Variants in SLC30A8 observed in about 807,000 individuals in gnomAD.
SLC30A8 encodes solute carrier family 30 member 8, also known as proton-coupled zinc antiporter SLC30A8.
SLC30A8 carries 27 observed loss-of-function variants against 36.9 expected under a neutral mutation model. The ratio of observed to expected loss-of-function variants is 0.73; its 90% CI spans 0.54 to 1.01. The LOEUF is 1.01. SLC30A8 is among the 50% of genes least tolerant of loss of function. The pLI is 0.00. For synonymous variants in SLC30A8, 164 were observed against 172.4 expected (o/e 0.95, Z 0.38); for missense variants, 439 against 452.0 (o/e 0.97, Z 0.26).
intron 2 of SLC30A8, among the ~76,000 whole-genome samples, chr8:117,089,602 A>T (rs1354921045): frequency 1.3e-5 from 2 of 152,146 alleles, no homozygotes; most frequent in Non-Finnish European, 2.9e-5. Context: ...CTCTGATGAC[A>T]ATCTGGATTA....
At chr8:117,063,253 C>T (rs1035248976) in intron 2 of SLC30A8, among the ~76,000 whole-genome samples, 17 of 152,046 alleles carry the variant, frequency 1.1e-4, no homozygotes, top group African/African-American at 3.9e-4. Context: ...TTTTCTTTAG[C>T]AGTTGCTAAA....
chr8:117,152,542 G>A (rs989182869), intron 2 of SLC30A8, among the ~76,000 whole-genome samples: 8 of 152,110 alleles, frequency 5.3e-5, no homozygotes, highest in African/African-American at 1.7e-4. Flanking sequence ...GGGCCAGATC[G>A]CAACATCTAG....
At chr8:117,033,583 T>C (rs2130743899) in intron 1 of SLC30A8, among the ~76,000 whole-genome samples, 1 of 152,330 alleles carries the variant, frequency 6.6e-6, no homozygotes, top group Non-Finnish European at 1.5e-5. Context: ...GGACTAAATG[T>C]CCCTGAATTG....
chr8:117,049,868 C>T (rs1817656497), intron 2 of SLC30A8, among the ~76,000 whole-genome samples: 1 of 152,194 alleles, frequency 6.6e-6, no homozygotes, highest in South Asian at 2.1e-4. Flanking sequence ...GAGTGGCAGT[C>T]CCCACAAGCT....
intron 1 of SLC30A8, among the ~76,000 whole-genome samples, chr8:116,967,667 G>A (rs992385895): frequency 2.6e-5 from 4 of 152,176 alleles, no homozygotes; most frequent in African/African-American, 9.7e-5. Flanking sequence ...TATACAGTAG[G>A]TTTCTTACGG....
In SLC30A8 at chr8:117,172,806, T is replaced by TTATC. The variant is rs1823458304; in HGVS notation, c.*129_*132dup. 1 of 1,093,420 alleles carries TTATC rather than the reference T, an allele frequency of 9.1e-7. No individual in the cohort carries two copies. The highest frequency in any genetic ancestry group is 1.3e-6 in the Non-Finnish European group (1 of 749,184). The allele number at this position is 1,093,420 out of a possible 1,614,324, so 67.7% of individuals were successfully genotyped here. A position where few individuals can be genotyped will look rare whatever the true frequency, so the allele number is the denominator to read the frequency against. ...TTCATGTCATGGTGCAATGCACATT[T>TTATC]TATCTATTTATTTAGTTCCATTCAC... is the stretch of plus-strand genomic sequence containing the variant. On this transcript the variant is annotated 3_prime_UTR_variant, in exon 8 of 8. Coordinates refer to ENST00000456015, the MANE Select transcript of SLC30A8 (RefSeq NM_173851.3).
At chr8:116,993,327 A>G (rs1815708831) in intron 1 of SLC30A8, among the ~76,000 whole-genome samples, 1 of 152,062 alleles carries the variant, frequency 6.6e-6, no homozygotes, top group South Asian at 2.1e-4. Flanking sequence ...AATACTCTAC[A>G]AGTGTGGGTA....
In SLC30A8 at chr8:117,153,029, C is replaced by T. The variant is rs1166345076; in HGVS notation, c.357C>T (p.Phe119=). Residue 119 remains phenylalanine (F), a synonymous_variant, in exon 3 of 8, where the codon TTC becomes TTT. Coordinates refer to ENST00000456015, the MANE Select transcript of SLC30A8 (RefSeq NM_173851.3). ...IDLTSFLLSL[F]SLWLSSKPPS... ...TGACCAGTTTCCTGCTCAGTCTCTT[C>T]TCCCTGTGGTTGTCATCGAAGCCTC... 6.2e-7 allele frequency: 1 copy of T among 1,613,690 alleles called. No individual in the cohort carries two copies. The highest frequency in any genetic ancestry group is 8.5e-7 in the Non-Finnish European group (1 of 1,179,704).
At position 117,041,561 on chromosome 8, in the gene SLC30A8, G is replaced by T. The variant is rs1365016701; in HGVS notation, c.-226+2303G>T. On this transcript the variant is annotated intron_variant, in intron 2 of 10. Transcript: ENST00000427715. ...AAAAATTAGCTGGGCGTGGTGGTGG[G>T]CACCTGTAATTTCAGCTACTCGGGA... is the stretch of plus-strand genomic sequence containing the variant. Among the ~76,000 whole-genome samples, 3 of 152,048 alleles carry T rather than the reference G, an allele frequency of 2.0e-5. No individual in the cohort carries two copies. In the East Asian group the frequency reaches 5.8e-4, roughly 29 times the overall value.
At chr8:116,972,700 ACT>A (rs1185529571) in intron 1 of SLC30A8, among the ~76,000 whole-genome samples, 1 of 152,152 alleles carries the variant, frequency 6.6e-6, no homozygotes, top group Non-Finnish European at 1.5e-5. Flanking sequence ...CATAAGGCTG[ACT>A]CTAGATTTTA....
chr8:116,991,058 T>C (rs1815622841), intron 1 of SLC30A8, among the ~76,000 whole-genome samples: 2 of 152,250 alleles, frequency 1.3e-5, no homozygotes, highest in Admixed American at 1.3e-4. Flanking sequence ...ATGAGTCTTA[T>C]TGGTGACTTG....
intron 1 of SLC30A8, among the ~76,000 whole-genome samples, chr8:117,146,486 G>C (rs570290196): frequency 6.6e-6 from 1 of 152,064 alleles, no homozygotes; most frequent in Non-Finnish European, 1.5e-5. Context: ...GAGTACTTAC[G>C]GACTCAGCAG....
chr8:117,071,776 A>T (rs1291688383), intron 2 of SLC30A8, among the ~76,000 whole-genome samples: 1 of 152,120 alleles, frequency 6.6e-6, no homozygotes, highest in Non-Finnish European at 1.5e-5. Flanking sequence ...ATACTCATTG[A>T]TATCATGTTA....
At chr8:116,995,513 A>G (rs987974900) in intron 1 of SLC30A8, among the ~76,000 whole-genome samples, 1 of 152,034 alleles carries the variant, frequency 6.6e-6, no homozygotes, top group Non-Finnish European at 1.5e-5. Flanking sequence ...CGGAATTTGT[A>G]TCTGGAGGTG....
intron 1 of SLC30A8, among the ~76,000 whole-genome samples, chr8:116,957,119 T>C (rs1814237906): frequency 6.6e-6 from 1 of 152,222 alleles, no homozygotes; most frequent in African/African-American, 2.4e-5. Context: ...GCATTTTTTA[T>C]ATTTCTTTAC....
intron 1 of SLC30A8, among the ~76,000 whole-genome samples, chr8:117,017,044 C>T (rs1390630784): frequency 6.6e-6 from 1 of 152,086 alleles, no homozygotes; most frequent in Non-Finnish European, 1.5e-5. Context: ...ATGCTTGATA[C>T]TGTGTGACCT....
intron 1 of SLC30A8, among the ~76,000 whole-genome samples, chr8:117,022,373 A>G (rs1188246414): frequency 1.3e-5 from 2 of 152,196 alleles, no homozygotes; most frequent in African/African-American, 4.8e-5. Context: ...CATGAAGATG[A>G]ATTAGGGATA....
At chr8:117,055,095 TTGA>T (rs1203155958) in intron 2 of SLC30A8, among the ~76,000 whole-genome samples, 1 of 152,160 alleles carries the variant, frequency 6.6e-6, no homozygotes, top group Non-Finnish European at 1.5e-5. Context: ...CCAAACCATT[TTGA>T]TGATAATGAG....
intron 2 of SLC30A8, among the ~76,000 whole-genome samples, chr8:117,086,746 TAACA>T (rs1260236389): frequency 6.6e-6 from 1 of 152,234 alleles, no homozygotes; most frequent in African/African-American, 2.4e-5. Context: ...CCACATCTAC[TAACA>T]TTGTGTTGAT....
Sources: gnomAD v4.1 joint callset for allele counts (sites outside exome capture counted in the v4.1 genomes callset) on GRCh38, gnomAD v4.1.1 for gene constraint, MANE v1.5 for transcripts, NCBI Gene and HGNC (gene_info 2026-07-23, HGNC 2026-07-21) for gene names.